Variants in DNAJC3 observed in about 807,000 individuals in gnomAD.
DNAJC3 encodes the protein dnaJ homolog subfamily C member 3.
A neutral mutation model predicts 68.6 loss-of-function variants in DNAJC3; 38 were observed. The observed-to-expected ratio is 0.55, with a 90% CI of 0.43 to 0.73. The LOEUF (loss-of-function observed/expected upper bound fraction) is 0.73, where lower values mean the gene tolerates loss of function less well. Among genes scored for constraint, DNAJC3 ranks in the 30% least tolerant of loss-of-function variants. The pLI is 0.00. For missense variants in DNAJC3, 526 were observed against 591.9 expected (o/e 0.89, Z 1.16); for synonymous variants, 203 against 204.0 (o/e 1.00, Z 0.04).
chr13:95,781,008 C>G (rs1157326050), intron 9 of DNAJC3, among the ~76,000 whole-genome samples: 1 of 152,080 alleles, frequency 6.6e-6, no homozygotes, highest in Non-Finnish European at 1.5e-5. Flanking sequence ...CTGGGGAGCT[C>G]AGGGCAGGCT....
chr13:95,748,065 G>C (rs902988469), intron 4 of DNAJC3, among the ~76,000 whole-genome samples: 2 of 152,094 alleles, frequency 1.3e-5, no homozygotes, highest in African/African-American at 4.8e-5. Context: ...CCTAAGTGCA[G>C]TTTAAACTCA....
At chr13:95,693,491 C>T (rs1041760631) in intron 1 of DNAJC3, 1 of 152,078 alleles carries the variant, frequency 6.6e-6, no homozygotes, top group African/African-American at 2.4e-5. Flanking sequence ...AATTAAACAC[C>T]TAATAATAGG....
At chr13:95,739,239 C>T (rs1472544558) in intron 4 of DNAJC3, among the ~76,000 whole-genome samples, 1 of 152,138 alleles carries the variant, frequency 6.6e-6, no homozygotes, top group African/African-American at 2.4e-5. Flanking sequence ...CGACCTTCCT[C>T]TCTGGCTGCC....
intron 4 of DNAJC3, among the ~76,000 whole-genome samples, chr13:95,756,294 C>G (rs1362659472): frequency 6.6e-6 from 1 of 152,178 alleles, no homozygotes; most frequent in Non-Finnish European, 1.5e-5. Flanking sequence ...CAGACAGAGA[C>G]AAGCATGTCT....
chr13:95,750,747 G>C (rs1882449539), intron 4 of DNAJC3, among the ~76,000 whole-genome samples: 2 of 151,986 alleles, frequency 1.3e-5, no homozygotes, highest in Admixed American at 1.3e-4. Flanking sequence ...CTGGCCTCCA[G>C]TATTCCACCC....
intron 1 of DNAJC3, among the ~76,000 whole-genome samples, chr13:95,706,268 A>G (rs904532352): frequency 6.6e-6 from 1 of 152,226 alleles, no homozygotes; most frequent in Non-Finnish European, 1.5e-5. Flanking sequence ...GCCATAGACA[A>G]TATGGCCCAT....
chr13:95,725,725 C>T (rs921644505), intron 4 of DNAJC3, among the ~76,000 whole-genome samples: 3 of 149,418 alleles, frequency 2.0e-5, no homozygotes, highest in Non-Finnish European at 4.4e-5. Flanking sequence ...GCACAATGTG[C>T]AGGTTTGTTA....
chr13:95,722,855 A>AAGTTGAAT (rs1881378600), intron 2 of DNAJC3, among the ~76,000 whole-genome samples: 1 of 109,932 alleles, frequency 9.1e-6, no homozygotes, highest in Non-Finnish European at 1.8e-5. Context: ...AAAAGGTTAT[A>AAGTTGAAT]AGTTGAATAT....
intron 1 of DNAJC3, among the ~76,000 whole-genome samples, chr13:95,706,266 C>CAT (rs1344470447): frequency 1.3e-5 from 2 of 152,182 alleles, no homozygotes; most frequent in African/African-American, 2.4e-5. Context: ...CAGCCATAGA[C>CAT]AATATGGCCC....
intron 4 of DNAJC3, chr13:95,742,945 A>G (rs1882193654): frequency 2.2e-6 from 1 of 449,588 alleles, no homozygotes; most frequent in South Asian, 1.6e-5. Context: ...ATTTGAGTTA[A>G]TTTTTGTATG....
chr13:95,754,174 G>T (rs750040254), intron 4 of DNAJC3, among the ~76,000 whole-genome samples: 2 of 152,216 alleles, frequency 1.3e-5, no homozygotes, highest in Non-Finnish European at 2.9e-5. Context: ...TGTGAGATGG[G>T]CTGCAATAGT....
intron 1 of DNAJC3, among the ~76,000 whole-genome samples, chr13:95,708,912 A>G (rs755039765): frequency 6.6e-6 from 1 of 152,166 alleles, no homozygotes; most frequent in Admixed American, 6.5e-5. Flanking sequence ...GTGAGATTCT[A>G]CCTTCAAACA....
chr13:95,717,645 C>A (rs1352865385), intron 2 of DNAJC3, among the ~76,000 whole-genome samples: 1 of 152,164 alleles, frequency 6.6e-6, no homozygotes, highest in Non-Finnish European at 1.5e-5. Context: ...ATAATTGAAT[C>A]ATGGGGATGG....
chr13:95,685,926 T>A (rs1194386547), intron 1 of DNAJC3, among the ~76,000 whole-genome samples: 1 of 152,166 alleles, frequency 6.6e-6, no homozygotes, highest in Non-Finnish European at 1.5e-5. Context: ...GCTGCTTGTA[T>A]GTCTTCTTTT....
intron 1 of DNAJC3, among the ~76,000 whole-genome samples, chr13:95,683,345 GTT>G (rs1879976143): frequency 6.6e-6 from 1 of 152,194 alleles, no homozygotes; most frequent in Non-Finnish European, 1.5e-5. Flanking sequence ...AATCCCCAGT[GTT>G]GGATCTGGGG....
In DNAJC3 at chr13:95,764,677, T is replaced by C. The variant is rs1192443964; in HGVS notation, c.1075+724T>C. ...ATATATATATATATATATATATATA[T>C]ATATATACACACACACACATATATA... is the stretch of plus-strand genomic sequence containing the variant. On this transcript the variant is annotated intron_variant, in intron 9 of 11. Coordinates refer to ENST00000602402, the MANE Select transcript of DNAJC3 (RefSeq NM_006260.5). Among the ~76,000 whole-genome samples, 65 of 122,808 alleles carry C rather than the reference T, an allele frequency of 5.3e-4. 2 individuals carry two copies. Among genetic ancestry groups the C allele is most frequent in the African/African-American group, 2.1e-3 (58 of 27,550 alleles). 80.6% of individuals were successfully genotyped at this position (122,808 alleles called of 152,430 possible). A position where few individuals can be genotyped will look rare whatever the true frequency, so the allele number is the denominator to read the frequency against.
intron 2 of DNAJC3, among the ~76,000 whole-genome samples, chr13:95,709,784 C>T (rs530107435): frequency 2.4e-4 from 37 of 152,020 alleles, no homozygotes; most frequent in South Asian, 1.2e-3. Flanking sequence ...GGACTACACG[C>T]GCCCACCACC....
chr13:95,789,804 C>T (rs962765776), intron 11 of DNAJC3, among the ~76,000 whole-genome samples: 2 of 152,144 alleles, frequency 1.3e-5, no homozygotes, highest in Non-Finnish European at 2.9e-5. Context: ...ACCTTGGCAG[C>T]ATCTATTTTT....
In DNAJC3 at chr13:95,764,371, C is replaced by CTA. The variant is rs1281146488; in HGVS notation, c.1075+419_1075+420insAT. Among the ~76,000 whole-genome samples the CTA allele has an allele frequency of 6.2e-3, 825 of 132,696 alleles. 3 individuals are homozygous for CTA. Among genetic ancestry groups the CTA allele is most frequent in the African/African-American group, 0.022 (655 of 29,698 alleles). 87.1% of individuals were successfully genotyped at this position (132,696 alleles called of 152,430 possible). A position where few individuals can be genotyped will look rare whatever the true frequency, so the allele number is the denominator to read the frequency against. ...ATTCTCTCTCTCTCTCTCTCTCTCT[C>CTA]TCTCTATATATATATATATATATAC... is the stretch of plus-strand genomic sequence containing the variant. On this transcript the variant is annotated intron_variant, in intron 9 of 11. Coordinates refer to ENST00000602402, the MANE Select transcript of DNAJC3 (RefSeq NM_006260.5).
Sources: gnomAD v4.1 joint callset for allele counts (sites outside exome capture counted in the v4.1 genomes callset) on GRCh38, gnomAD v4.1.1 for gene constraint, MANE v1.5 for transcripts, NCBI Gene and HGNC (gene_info 2026-07-23, HGNC 2026-07-21) for gene names.